ZGPAT: variants seen among roughly 807,000 people sequenced by gnomAD.
ZGPAT encodes zinc finger CCCH-type with G patch domain-containing protein.
A neutral mutation model predicts 47.9 loss-of-function variants in ZGPAT; 39 were observed. The observed-to-expected ratio is 0.81, with a 90% CI of 0.63 to 1.06. The LOEUF is 1.06. Ranked by LOEUF, ZGPAT falls within the 50% of genes least tolerant of loss-of-function variation. The pLI is 0.00. For synonymous variants in ZGPAT, 348 were observed against 292.9 expected (o/e 1.19, Z -1.92); for missense variants, 717 against 681.4 (o/e 1.05, Z -0.58).
chr20:63,730,922 TTCTCTCTCTCTCTCTC>T (rs33915732), intron 2 of ZGPAT, among the ~76,000 whole-genome samples: 5,648 of 124,538 alleles, frequency 0.045, 137 homozygotes, highest in African/African-American at 0.072. Context: ...TTCCTCTTCA[TTCTCTCTCTCTCTCTC>T]TCTCTCTCTC....
intron 6 of ZGPAT, 64 bp downstream of exon 6, chr20:63,735,628 G>A: frequency 4.0e-6 from 6 of 1,497,602 alleles, no homozygotes; most frequent in Non-Finnish European, 4.5e-6. Flanking sequence ...CGGGATACAT[G>A]CTGGAGGTCA....
intron 2 of ZGPAT, among the ~76,000 whole-genome samples, chr20:63,732,700 A>T (rs966010750): frequency 6.8e-6 from 1 of 148,084 alleles, no homozygotes; most frequent in Non-Finnish European, 1.5e-5. Flanking sequence ...ATGCATGTGT[A>T]TACATGTGTA....
rs200500615 is a variant in ZGPAT at position 63,731,658 on chromosome 20, CTG to C, written c.585-1554_585-1553del. 2.2e-3 allele frequency among the ~76,000 whole-genome samples: 304 copies of C among 135,420 alleles called. 5 individuals carry two copies. In the East Asian group the frequency reaches 0.056, roughly 25 times the overall value. The allele number at this position is 135,420 out of a possible 152,430, so 88.8% of individuals were successfully genotyped here. On this transcript the variant is annotated intron_variant, in intron 2 of 6. Coordinates refer to ENST00000355969, the MANE Select transcript of ZGPAT (RefSeq NM_181485.3). Reference sequence around the variant, plus strand: ...ATGTGTGTAAAGTGTACAGTTGGCCCTGTGTGTGATTGTGTGTGCATATGTGT... The same window carrying C: ...ATGTGTGTAAAGTGTACAGTTGGCCCTGTGTGATTGTGTGTGCATATGTGT...
In ZGPAT at chr20:63,734,764, G is replaced by A; in HGVS notation, c.931G>A (p.Val311Met). 6.2e-7 allele frequency: 1 copy of A among 1,613,782 alleles called. No individual in the cohort carries two copies. ...TCSSAFAGWE[V>M]HTRGIGSRLL... ...CAGCTCTGCCTTTGCTGGCTGGGAG[G>A]TGCACACGCGAGGTATAGGCTCCAG... Residue 311 changes from valine to methionine, a missense_variant, in exon 5 of 7, where the codon GTG becomes ATG. Physicochemically the swap from Val to Met is conservative, Grantham distance 21. Coordinates refer to ENST00000355969, the MANE Select transcript of ZGPAT (RefSeq NM_181485.3).
At chr20:63,735,611 C>T in intron 6 of ZGPAT, 47 bp downstream of exon 6, 1 of 1,501,864 alleles carries the variant, frequency 6.7e-7, no homozygotes, top group Non-Finnish European at 8.9e-7. Flanking sequence ...CAGGGTGGCC[C>T]TGCCCCCGGG....
chr20:63,708,974 A>T lies in ZGPAT; in HGVS notation c.394A>T (p.Thr132Ser), dbSNP rs1601309740. Residue 132 changes from threonine (T) to serine (S), a missense_variant, in exon 2 of 7, where the codon ACA becomes TCA. Transcript: ENST00000355969. ...AGAGGACGAGGAAGAGCTGAGTGGG[A>T]CAAAGGTGAGCGCGCCCTACTACAG... Reference protein sequence around the residue: ...EGEDEEELSGTKVSAPYYSSW... With the variant: ...EGEDEEELSGSKVSAPYYSSW... The T allele has an allele frequency of 6.2e-7, 1 of 1,613,438 alleles. No homozygotes were observed. The highest frequency in any genetic ancestry group is 2.2e-5 in the East Asian group (1 of 44,866).
At chr20:63,716,408 A>G (rs2091729184) in intron 2 of ZGPAT, among the ~76,000 whole-genome samples, 1 of 152,132 alleles carries the variant, frequency 6.6e-6, no homozygotes, top group Non-Finnish European at 1.5e-5. Context: ...CTGTTACCAT[A>G]CAATTGTTCA....
At chr20:63,714,746 G>GA (rs2091708717) in intron 2 of ZGPAT, among the ~76,000 whole-genome samples, 1 of 151,842 alleles carries the variant, frequency 6.6e-6, no homozygotes, top group Admixed American at 6.6e-5. Context: ...GGGCTCAGGG[G>GA]ATCCTCCTAC....
intron 2 of ZGPAT, among the ~76,000 whole-genome samples, chr20:63,721,906 G>A (rs895063028): frequency 5.9e-5 from 9 of 151,728 alleles, no homozygotes; most frequent in Admixed American, 1.3e-4. Flanking sequence ...TCAGCTACTC[G>A]GGAGGCTGAA....
At chr20:63,732,716 GTA>G (rs369227710) in intron 2 of ZGPAT, among the ~76,000 whole-genome samples, 2,168 of 151,942 alleles carry the variant, frequency 0.014, 55 homozygotes, top group African/African-American at 0.05. Flanking sequence ...GTGTACTTGT[GTA>G]TGTGTATATG....
At position 63,735,528 on chromosome 20, in the gene ZGPAT, G is replaced by A. The variant is rs764293064; in HGVS notation, c.1361G>A (p.Arg454Lys). ...EKIERTQRDI[R>K]SIQEALARNA... ...ATCGAGCGAACCCAGCGGGACATCA[G>A]GAGCATCCAGGAGGCTCTCGCCCGC... The change falls in exon 6 of 7, where the codon AGG becomes AAG. Residue 454 changes from arginine to lysine, a missense_variant. Arg to Lys is a conservative substitution (Grantham distance 26). Coordinates refer to ENST00000355969, the MANE Select transcript of ZGPAT (RefSeq NM_181485.3). 1 of 1,519,706 alleles carries A rather than the reference G, an allele frequency of 6.6e-7. No homozygotes were observed. The highest frequency in any genetic ancestry group is 2.3e-5 in the East Asian group (1 of 43,978). The allele number at this position is 1,519,706 out of a possible 1,614,324, so 94.1% of individuals were successfully genotyped here.
chr20:63,733,201 T>G lies in ZGPAT; in HGVS notation c.585-18T>G. ...GTGGCCCATGTCTGAGCCCTGCCCC[T>G]TACGGCTCTGTCTGCAGGTTCTCCC... is the stretch of plus-strand genomic sequence containing the variant. On this transcript the variant is annotated intron_variant, in intron 2 of 6. Coordinates refer to ENST00000355969, the MANE Select transcript of ZGPAT (RefSeq NM_181485.3). 1 of 1,611,428 alleles carries G rather than the reference T, an allele frequency of 6.2e-7. No individual in the cohort carries two copies. Among genetic ancestry groups the G allele is most frequent in the Non-Finnish European group, 8.5e-7 (1 of 1,178,228 alleles).
At chr20:63,727,277 G>T (rs2091855319) in intron 2 of ZGPAT, among the ~76,000 whole-genome samples, 1 of 143,540 alleles carries the variant, frequency 7.0e-6, no homozygotes, top group Non-Finnish European at 1.5e-5. Context: ...GTCTGCCTCT[G>T]TTGCCCAGGC....
intron 2 of ZGPAT, among the ~76,000 whole-genome samples, chr20:63,723,270 TCTC>T (rs578143325): frequency 6.8e-6 from 1 of 146,326 alleles, no homozygotes; most frequent in East Asian, 2.1e-4. Context: ...CATCCTCCCT[TCTC>T]CTCTGGCATA....
chr20:63,725,578 T>G (rs966413006), intron 2 of ZGPAT, among the ~76,000 whole-genome samples: 2 of 152,136 alleles, frequency 1.3e-5, no homozygotes, highest in African/African-American at 4.8e-5. Flanking sequence ...TATCTAGGTG[T>G]GGATCTCTTG....
At chr20:63,717,189 T>C (rs555735794) in intron 2 of ZGPAT, among the ~76,000 whole-genome samples, 3 of 152,142 alleles carry the variant, frequency 2.0e-5, no homozygotes, top group Non-Finnish European at 4.4e-5. Context: ...TGATCTCTAT[T>C]GTTTTCCCAT....
At position 63,708,952 on chromosome 20, in the gene ZGPAT, G is replaced by C; in HGVS notation, c.372G>C (p.Glu124Asp). The change falls in exon 2 of 7, where the codon GAG becomes GAC. Residue 124 changes from glutamate to aspartate, a missense_variant. Coordinates refer to ENST00000355969, the MANE Select transcript of ZGPAT (RefSeq NM_181485.3). ...GTGGGCAGGAGGAGGAAGAGGGAGAGGACGAGGAAGAGCTGAGTGGGACAA... is the reference window on the plus strand; with the variant it reads ...GTGGGCAGGAGGAGGAAGAGGGAGACGACGAGGAAGAGCTGAGTGGGACAA... ...AAGGQEEEEG[E>D]DEEELSGTKV... 1 of 1,613,344 alleles carries C rather than the reference G, an allele frequency of 6.2e-7. No individual in the cohort carries two copies. The highest frequency in any genetic ancestry group is 8.5e-7 in the Non-Finnish European group (1 of 1,180,004).
chr20:63,714,142 C>A (rs981602833), intron 2 of ZGPAT, among the ~76,000 whole-genome samples: 1 of 151,872 alleles, frequency 6.6e-6, no homozygotes, highest in South Asian at 2.1e-4. Flanking sequence ...GTGACTAGAG[C>A]GGGCCGGGGG....
chr20:63,717,300 A>C (rs1246023155), intron 2 of ZGPAT, among the ~76,000 whole-genome samples: 4 of 144,754 alleles, frequency 2.8e-5, no homozygotes, highest in African/African-American at 1.0e-4. Flanking sequence ...GTATACAGTT[A>C]AGTTATTGAT....
Sources: gnomAD v4.1 joint callset for allele counts (sites outside exome capture counted in the v4.1 genomes callset) on GRCh38, gnomAD v4.1.1 for gene constraint, MANE v1.5 for transcripts, NCBI Gene and HGNC (gene_info 2026-07-23, HGNC 2026-07-21) for gene names.